PNPLA1: variants seen among roughly 807,000 people sequenced by gnomAD.
The protein encoded by PNPLA1 is omega-hydroxyceramide transacylase.
Under a neutral mutation model 51.7 loss-of-function variants are expected in PNPLA1, and 36 were observed. That is an observed-to-expected ratio of 0.70 (90% CI 0.53 to 0.92). The LOEUF (loss-of-function observed/expected upper bound fraction) is 0.92, where lower values mean the gene tolerates loss of function less well. PNPLA1 is among the 40% of genes least tolerant of loss of function. The pLI is 0.00. For synonymous variants in PNPLA1, 293 were observed against 280.1 expected (o/e 1.05, Z -0.46); for missense variants, 658 against 682.5 (o/e 0.96, Z 0.40).
chr6:36,252,295 A>G (rs1769436838), intron 1 of PNPLA1, among the ~76,000 whole-genome samples: 2 of 152,280 alleles, frequency 1.3e-5, no homozygotes, highest in Non-Finnish European at 2.9e-5. Context: ...CCCCAGTAAA[A>G]CTAGTCTTGT....
In PNPLA1 at chr6:36,301,934, C is replaced by T. The variant is rs571759549; in HGVS notation, c.849C>T (p.Leu283=). The part of the protein sequence containing the change: ...PRVEVYCQIE[L]ALGNECPERS... ...TGGAAGTGTACTGCCAGATAGAACT[C>T]GCCCTTGGCAATGAGTGCCCTGAAC... Residue 283 remains leucine (L), a synonymous_variant, in exon 6 of 9, where the codon CTC becomes CTT. Coordinates refer to ENST00000636260, the MANE Select transcript of PNPLA1 (RefSeq NM_001374623.1). 4 of 1,614,178 alleles carry T rather than the reference C, an allele frequency of 2.5e-6. No individual in the cohort carries two copies. The highest frequency in any genetic ancestry group is 4.5e-5 in the East Asian group (2 of 44,878).
At chr6:36,303,156 G>A (rs1010108035) in intron 6 of PNPLA1, among the ~76,000 whole-genome samples, 7 of 151,966 alleles carry the variant, frequency 4.6e-5, no homozygotes, top group East Asian at 1.9e-4. Context: ...GTGCAGTGGC[G>A]TGATCTTGGC....
intron 1 of PNPLA1, among the ~76,000 whole-genome samples, chr6:36,249,625 TC>T (rs1769378909): frequency 6.6e-6 from 1 of 152,160 alleles, no homozygotes; most frequent in South Asian, 2.1e-4. Flanking sequence ...GACCTCAGCT[TC>T]AGCACCACGT....
chr6:36,306,515 T>C, intron 7 of PNPLA1, 139 bp downstream of exon 7: 1 of 740,456 alleles, frequency 1.4e-6, no homozygotes, highest in Non-Finnish European at 2.2e-6. Flanking sequence ...TGATTCCAGG[T>C]CCACCCCTTT....
chr6:36,294,106 A>G lies in PNPLA1; in HGVS notation c.505-84A>G. ...TTGATGGGCCCTTGAAGCTGGTGCCATATCCCATGGGCCATTTCGATGTAC... is the reference window on the plus strand; with the variant it reads ...TTGATGGGCCCTTGAAGCTGGTGCCGTATCCCATGGGCCATTTCGATGTAC... On this transcript the variant is annotated intron_variant, in intron 3 of 8. Transcript: ENST00000636260. This position sits in a 1 kb window ranked among gnomAD's most constrained non-coding sequence, Gnocchi z 4.2. 6.7e-7 allele frequency: 1 copy of G among 1,486,318 alleles called. No individual in the cohort carries two copies. Among genetic ancestry groups the G allele is most frequent in the Admixed American group, 1.9e-5 (1 of 53,576 alleles). 92.1% of individuals were successfully genotyped at this position (1,486,318 alleles called of 1,614,324 possible). A position where few individuals can be genotyped will look rare whatever the true frequency, so the allele number is the denominator to read the frequency against.
chr6:36,285,037 C>T (rs1267165093), intron 1 of PNPLA1, among the ~76,000 whole-genome samples: 1 of 152,150 alleles, frequency 6.6e-6, no homozygotes, highest in Non-Finnish European at 1.5e-5. Flanking sequence ...TGAGGATAAA[C>T]TGAGATAATA....
chr6:36,267,382 C>T (rs1407667702), upstream of PNPLA1, among the ~76,000 whole-genome samples: 1 of 152,168 alleles, frequency 6.6e-6, no homozygotes, highest in Admixed American at 6.5e-5. Flanking sequence ...CCTTTGGGGT[C>T]CAGGTTAGCA....
Position 36,302,189 on chromosome 6 carries a change from C to T in PNPLA1, c.1104C>T (p.Gly368=). ...CTTCAACTCCACTTTCTCTAAGTGG[C>T]ATGCCACCTGTATCATTCCCAGCTG... ...LASSTPLSLS[G]MPPVSFPAVH... is the part of the protein sequence containing the mutation. The change falls in exon 6 of 9, where the codon GGC becomes GGT. Residue 368 remains glycine (G), a synonymous_variant. Transcript: ENST00000636260. 6.2e-7 allele frequency: 1 copy of T among 1,614,218 alleles called. No individual in the cohort carries two copies. The highest frequency in any genetic ancestry group is 8.5e-7 in the Non-Finnish European group (1 of 1,180,032).
In PNPLA1 at chr6:36,309,559, A is replaced by G. The variant is rs574552015; in HGVS notation, c.1595+1847A>G. ...GCAGCAGAGAAGCGGGAACTGTGCA[A>G]TTCAGCAAGAGCCACTTTGGTTAAC... On this transcript the variant is annotated intron_variant, in intron 8 of 8. Coordinates refer to ENST00000636260, the MANE Select transcript of PNPLA1 (RefSeq NM_001374623.1). 2.0e-5 allele frequency among the ~76,000 whole-genome samples: 3 copies of G among 152,300 alleles called. No homozygotes were observed. The South Asian group carries it at 6.2e-4, about 32-fold the overall frequency.
At chr6:36,273,187 G>T (rs985899362) in intron 1 of PNPLA1, among the ~76,000 whole-genome samples, 20 of 152,028 alleles carry the variant, frequency 1.3e-4, no homozygotes, top group African/African-American at 4.8e-4. Context: ...AGAGGTTGCA[G>T]TGAGATCGCG....
chr6:36,247,879 C>T (rs1036234335), intron 1 of PNPLA1, among the ~76,000 whole-genome samples: 2 of 152,198 alleles, frequency 1.3e-5, no homozygotes, highest in African/African-American at 4.8e-5. Context: ...CCCGAGCCAA[C>T]GTTTGGATGG....
At chr6:36,305,768 CTTTTTTTTTTTTT>C (rs72063246) in intron 6 of PNPLA1, among the ~76,000 whole-genome samples, 1 of 96,576 alleles carries the variant, frequency 1.0e-5, no homozygotes, top group Non-Finnish European at 2.0e-5. Flanking sequence ...TTACTTTTCT[CTTTTTTTTTTTTT>C]TTTTTTTTTG....
chr6:36,282,249 GGAAAGAAA>G (rs61365486), intron 1 of PNPLA1, among the ~76,000 whole-genome samples: 34 of 112,048 alleles, frequency 3.0e-4, no homozygotes, highest in African/African-American at 1.1e-3. Context: ...AAAGAAAGAA[GGAAAGAAA>G]GAAAGAAAGA....
chr6:36,261,941 G>A (rs1292673342), intron 1 of PNPLA1, among the ~76,000 whole-genome samples: 1 of 152,206 alleles, frequency 6.6e-6, no homozygotes, highest in Non-Finnish European at 1.5e-5. Context: ...TTTAACCAGG[G>A]TAAACTCAGG....
chr6:36,300,174 T>TGAGAGAGAGAGA (rs1451824406), intron 5 of PNPLA1, among the ~76,000 whole-genome samples: 22 of 71,532 alleles, frequency 3.1e-4, no homozygotes, highest in African/African-American at 7.8e-4. Flanking sequence ...TGTGTGTGTG[T>TGAGAGAGAGAGA]GTGTGAGAGA....
At chr6:36,307,563 C>A (rs745778012) in intron 7 of PNPLA1, 24 bp from the exon 8 acceptor site, 1 of 1,610,796 alleles carries the variant, frequency 6.2e-7, no homozygotes, top group East Asian at 2.2e-5. Context: ...CATAATGAAC[C>A]ATCTACTTAA....
chr6:36,297,865 TAC>T (rs112771131), intron 5 of PNPLA1, among the ~76,000 whole-genome samples: 2,032 of 133,684 alleles, frequency 0.015, 48 homozygotes, highest in African/African-American at 0.046. Flanking sequence ...TGTCTCTCTG[TAC>T]ACACACACAC....
At position 36,300,178 on chromosome 6, in the gene PNPLA1, T is replaced by TGTGTGTGA; in HGVS notation, c.776-1682_776-1681insTGTGTGAG. Among the ~76,000 whole-genome samples the TGTGTGTGA allele has an allele frequency of 1.9e-3, 190 of 98,114 alleles. 9 individuals are homozygous for TGTGTGTGA. The highest frequency in any genetic ancestry group is 3.3e-3 in the Non-Finnish European group (146 of 44,338). 64.4% of individuals were successfully genotyped at this position (98,114 alleles called of 152,430 possible). On this transcript the variant is annotated intron_variant, in intron 5 of 8. Transcript: ENST00000636260. ...TCTTATTCTTGTGTGTGTGTGTGTG[T>TGTGTGTGA]GAGAGAGAGAGAGAGAGAGAGAGAG...
At chr6:36,290,435 C>T (rs188191664) in intron 1 of PNPLA1, among the ~76,000 whole-genome samples, 7 of 152,298 alleles carry the variant, frequency 4.6e-5, no homozygotes, top group African/African-American at 1.7e-4. Flanking sequence ...TGCTACTTTA[C>T]CCACTTACAA....
Sources: allele counts gnomAD v4.1 joint callset (sites outside exome capture counted in the v4.1 genomes callset), GRCh38; gene constraint gnomAD v4.1.1; non-coding constraint Gnocchi (gnomAD v3.1); transcripts MANE v1.5; gene names NCBI Gene and HGNC (gene_info 2026-07-23, HGNC 2026-07-21).